AFF3: variants seen among roughly 807,000 people sequenced by gnomAD.
AFF3 encodes ALF transcription elongation factor 3.
AFF3 carries 32 observed loss-of-function variants against 129.7 expected under a neutral mutation model. The observed-to-expected ratio is 0.25, with a 90% CI of 0.19 to 0.33. The LOEUF (loss-of-function observed/expected upper bound fraction) is 0.33, where lower values mean the gene tolerates loss of function less well. Ranked by LOEUF, AFF3 falls within the 10% of genes least tolerant of loss-of-function variation. AFF3 has a pLI of 1.00. For synonymous variants in AFF3, 644 were observed against 635.4 expected, an observed-to-expected ratio of 1.01 and a Z score of -0.20; for missense variants, 1,373 against 1,592.0, an observed-to-expected ratio of 0.86 and a Z score of 2.34.
chr2:99,738,663 A>G (rs1680454390), intron 10 of AFF3, among the ~76,000 whole-genome samples: 1 of 152,110 alleles, frequency 6.6e-6, no homozygotes, highest in Admixed American at 6.6e-5. Context: ...GCTTTCCTGT[A>G]TCAGTATTCC....
chr2:99,957,790 T>A (rs1333568561), intron 7 of AFF3, among the ~76,000 whole-genome samples: 1 of 152,202 alleles, frequency 6.6e-6, no homozygotes, highest in African/African-American at 2.4e-5. Flanking sequence ...GTTCTGCCTA[T>A]GGAACCCTCA....
chr2:99,987,243 C>T (rs1045772523), intron 7 of AFF3, among the ~76,000 whole-genome samples: 20 of 152,270 alleles, frequency 1.3e-4, no homozygotes, highest in Non-Finnish European at 2.2e-4. Flanking sequence ...GACAGGGGTA[C>T]GGAGAACTTT....
At chr2:100,051,946 C>CTT (rs1207610200) in intron 4 of AFF3, among the ~76,000 whole-genome samples, 2 of 152,204 alleles carry the variant, frequency 1.3e-5, no homozygotes, top group African/African-American at 4.8e-5. Context: ...GCAATCAATA[C>CTT]TTCTCTAGGC....
chr2:99,725,536 G>A (rs1679298857), intron 11 of AFF3, among the ~76,000 whole-genome samples: 2 of 151,662 alleles, frequency 1.3e-5, no homozygotes, highest in African/African-American at 2.4e-5. Context: ...TGCCATTTTG[G>A]CCAGGCTGGT....
At chr2:99,558,400 C>A (rs1293598532) in intron 22 of AFF3, among the ~76,000 whole-genome samples, 1 of 152,094 alleles carries the variant, frequency 6.6e-6, no homozygotes, top group East Asian at 1.9e-4. Flanking sequence ...GCGGGGAGAT[C>A]ACCTGAGGTC....
rs1180653491 is a variant in AFF3, at chr2:99,547,241, C to CT, written c.*4232_*4233insA. On this transcript the variant is annotated 3_prime_UTR_variant, in exon 25 of 25. Transcript: ENST00000672756. ...TGGTGGATGTCTTTTACGTACAACT[C>CT]AACTTCTCTCATTTACAACATAAAT... 1.4e-5 allele frequency: 3 copies of CT among 216,024 alleles called. No homozygotes were observed. The highest frequency in any genetic ancestry group is 2.8e-5 in the Non-Finnish European group (3 of 106,986). The allele number at this position is 216,024 out of a possible 1,614,324, so 13.4% of individuals were successfully genotyped here.
chr2:99,734,496 T>C (rs1281241207), intron 10 of AFF3, among the ~76,000 whole-genome samples: 3 of 152,186 alleles, frequency 2.0e-5, no homozygotes, highest in African/African-American at 2.4e-5. Context: ...AATAGGATTC[T>C]TGTTTTGAGT....
chr2:99,898,171 TG>T (rs1325877298), intron 7 of AFF3, among the ~76,000 whole-genome samples: 1 of 152,262 alleles, frequency 6.6e-6, no homozygotes, highest in Non-Finnish European at 1.5e-5. Context: ...GGAAGATGTC[TG>T]AGTGCTCATT....
At chr2:99,565,462 T>C in intron 20 of AFF3, 25 bp downstream of exon 20, 3 of 1,608,246 alleles carry the variant, frequency 1.9e-6, no homozygotes, top group Non-Finnish European at 2.6e-6. Flanking sequence ...CCTCCCCTCA[T>C]CCAGCAAGAA....
At chr2:99,716,830 C>T (rs1320047547) in intron 11 of AFF3, among the ~76,000 whole-genome samples, 1 of 151,848 alleles carries the variant, frequency 6.6e-6, no homozygotes, top group Non-Finnish European at 1.5e-5. Context: ...CTGCAGTGAG[C>T]TGAGATCACA....
chr2:99,745,197 T>C (rs2105149028), intron 9 of AFF3, among the ~76,000 whole-genome samples: 1 of 152,288 alleles, frequency 6.6e-6, no homozygotes, highest in South Asian at 2.1e-4. Context: ...TCTATTCAAG[T>C]CCTTTGCCAT....
At chr2:99,744,964 T>C (rs1383141053) in intron 9 of AFF3, among the ~76,000 whole-genome samples, 3 of 152,198 alleles carry the variant, frequency 2.0e-5, no homozygotes, top group Admixed American at 1.3e-4. Flanking sequence ...GCCAAACGAT[T>C]TTCCACAGCA....
intron 8 of AFF3, among the ~76,000 whole-genome samples, chr2:99,759,258 G>C (rs1682384282): frequency 6.6e-6 from 1 of 152,024 alleles, no homozygotes. Flanking sequence ...ATCTCTCTTT[G>C]AATGCTCTTT....
At chr2:99,838,190 G>A (rs1241812658) in intron 7 of AFF3, among the ~76,000 whole-genome samples, 2 of 152,162 alleles carry the variant, frequency 1.3e-5, no homozygotes, top group African/African-American at 4.8e-5. Context: ...TTCCAGAGAT[G>A]CTGTGTGGGT....
chr2:99,593,875 CTGAGG>C lies in AFF3; in HGVS notation c.1781_1785del (p.Thr594SerfsTer72), dbSNP rs199557232. On this transcript the variant is annotated frameshift_variant, in exon 15 of 25. Coordinates refer to ENST00000672756, the MANE Select transcript of AFF3 (RefSeq NM_001386135.1). LOFTEE classifies it high-confidence loss of function. Reference sequence around the variant, plus strand: ...CGGTGGCAGTTGGCGCCGTCCCCGGCTGAGGTCCTCTCGGTGCGCCTGGTGGGCTT... The same window carrying C: ...CGGTGGCAGTTGGCGCCGTCCCCGGCTCCTCTCGGTGCGCCTGGTGGGCTT... 84,173 of 1,550,462 alleles carry C rather than the reference CTGAGG, an allele frequency of 0.054. 2,928 individuals carry two copies. Among genetic ancestry groups the C allele is most frequent in the East Asian group, 0.18 (7,841 of 43,120 alleles).
chr2:99,926,669 A>C (rs1696262560), intron 7 of AFF3, among the ~76,000 whole-genome samples: 1 of 146,664 alleles, frequency 6.8e-6, no homozygotes, highest in Non-Finnish European at 1.5e-5. Context: ...GTGCTTCAGA[A>C]GCATAGGAGC....
At chr2:99,945,987 G>A (rs996568733) in intron 7 of AFF3, among the ~76,000 whole-genome samples, 1 of 152,220 alleles carries the variant, frequency 6.6e-6, no homozygotes, top group Non-Finnish European at 1.5e-5. Flanking sequence ...TGCAAAGCCA[G>A]TTAACTAAAT....
rs745651225 is a variant in AFF3 at position 99,632,008 on chromosome 2, CTT to C, written c.1184+17616_1184+17617del. Among the ~76,000 whole-genome samples, 4 of 76,884 alleles carry C rather than the reference CTT, an allele frequency of 5.2e-5. No homozygotes were observed. In the Admixed American group the frequency reaches 8.0e-4, roughly 15 times the overall value. 50.4% of individuals were successfully genotyped at this position (76,884 alleles called of 152,430 possible). A position where few individuals can be genotyped will look rare whatever the true frequency, so the allele number is the denominator to read the frequency against. ...CAATTTATCCACAACCTTGCCAACA[CTT>C]TTTTTTTTTTTTTTTTTTTTTTTTA... On this transcript the variant is annotated intron_variant, in intron 13 of 24. Transcript: ENST00000672756.
chr2:99,763,654 T>A (rs1345190186), intron 8 of AFF3, among the ~76,000 whole-genome samples: 1 of 152,212 alleles, frequency 6.6e-6, no homozygotes, highest in Non-Finnish European at 1.5e-5. Flanking sequence ...AAAAAATATC[T>A]ATTTCTCATA....
Sources: gnomAD v4.1 joint callset for allele counts (sites outside exome capture counted in the v4.1 genomes callset) on GRCh38, gnomAD v4.1.1 for gene constraint, MANE v1.5 for transcripts, NCBI Gene and HGNC (gene_info 2026-07-23, HGNC 2026-07-21) for gene names.